Variants in CCDC27 observed in about 807,000 individuals in gnomAD.
The protein encoded by CCDC27 is coiled-coil domain-containing protein 27.
A neutral mutation model predicts 80.3 loss-of-function variants in CCDC27; 80 were observed. That is an observed-to-expected ratio of 1.00 (90% CI 0.83 to 1.20). The LOEUF is 1.20. Among genes scored for constraint, CCDC27 ranks in the 50% most tolerant of loss-of-function variants. The probability of loss-of-function intolerance (pLI) is 0.00; values close to 1 mark genes in which losing one functional copy is unlikely to be tolerated. For synonymous variants in CCDC27, 342 were observed against 334.3 expected, an observed-to-expected ratio of 1.02 and a Z score of -0.25; for missense variants, 815 against 809.4, an observed-to-expected ratio of 1.01 and a Z score of -0.08.
At chr1:3,762,532 C>T (rs938296341) in intron 5 of CCDC27, 88 bp from the exon 6 acceptor site, 66 of 1,039,414 alleles carry the variant, frequency 6.3e-5, no homozygotes, top group Middle Eastern at 5.0e-4. Context: ...CATGAGAGGC[C>T]GCTGTCCCTT....
chr1:3,767,158 A>G (rs1643245800), intron 9 of CCDC27, 75 bp from the exon 10 acceptor site: 29 of 1,415,412 alleles, frequency 2.0e-5, no homozygotes, highest in Non-Finnish European at 2.8e-5. Context: ...CTTTTAGGAA[A>G]AAGTGGATGG....
intron 11 of CCDC27, among the ~76,000 whole-genome samples, chr1:3,770,729 G>A (rs112751496): frequency 7.6e-4 from 116 of 152,264 alleles, no homozygotes; most frequent in Middle Eastern, 3.4e-3. Flanking sequence ...GGGGGCCCTG[G>A]ACAGTGCCTC....
Position 3,771,591 on chromosome 1 carries a change from C to T in CCDC27, c.*68C>T, listed in dbSNP as rs193169896. 336 of 1,548,198 alleles carry T rather than the reference C, an allele frequency of 2.2e-4. No homozygotes were observed. In the African/African-American group the frequency reaches 4.2e-3, roughly 19 times the overall value. On this transcript the variant is annotated 3_prime_UTR_variant, in exon 12 of 12. Transcript: ENST00000294600. ...GGGCCCAGCTCCAGAACCACCCGCC[C>T]CCACCATGCGTCCTGCTCTCAGACT...
intron 1 of CCDC27, 100 bp downstream of exon 1, chr1:3,752,899 C>T: frequency 7.5e-7 from 1 of 1,324,992 alleles, no homozygotes; most frequent in Admixed American, 2.3e-5. Context: ...AAGCATTCCA[C>T]AGGCCTTCTG....
At position 3,761,927 on chromosome 1, in the gene CCDC27, T is replaced by G. The variant is rs375492942; in HGVS notation, c.861+497T>G. On this transcript the variant is annotated intron_variant, in intron 5 of 11. Coordinates refer to ENST00000294600, the MANE Select transcript of CCDC27 (RefSeq NM_152492.3). The surrounding 1 kb of genome is among the most constrained non-coding windows in gnomAD (Gnocchi z 5.0). Reference sequence around the variant, plus strand: ...CCCTGCCCTGGCCAGGAATCCCTTCTCCCCACTCTCTGGCTGTGAAGCCCC... The same window carrying G: ...CCCTGCCCTGGCCAGGAATCCCTTCGCCCCACTCTCTGGCTGTGAAGCCCC... Among the ~76,000 whole-genome samples, 7 of 122,166 alleles carry G rather than the reference T, an allele frequency of 5.7e-5. 1 individual carries two copies. Among genetic ancestry groups the G allele is most frequent in the Admixed American group, 5.0e-4 (5 of 9,968 alleles). 80.1% of individuals were successfully genotyped at this position (122,166 alleles called of 152,430 possible). A position where few individuals can be genotyped will look rare whatever the true frequency, so the allele number is the denominator to read the frequency against.
Position 3,756,842 on chromosome 1 carries a change from CTG to C in CCDC27, c.664_665del (p.Cys222ProfsTer21). ...VTSSSVASQS[C>X]LRKRMPWYLS... ...CCAGCAGCTCAGTCGCATCTCAGAG[CTG>C]CCTGAGAAAGAGGATGCCCTGGTAC... On this transcript the variant is annotated frameshift_variant, in exon 4 of 12. Coordinates refer to ENST00000294600, the MANE Select transcript of CCDC27 (RefSeq NM_152492.3). LOFTEE classifies it high-confidence loss of function. 10 of 1,613,940 alleles carry C rather than the reference CTG, an allele frequency of 6.2e-6. No homozygotes were observed. Among genetic ancestry groups the C allele is most frequent in the Non-Finnish European group, 8.5e-6 (10 of 1,180,018 alleles).
At position 3,760,074 on chromosome 1, in the gene CCDC27, C is replaced by T. The variant is rs1643050675; in HGVS notation, c.712-1207C>T. Among the ~76,000 whole-genome samples the T allele has an allele frequency of 6.6e-6, 1 of 152,192 alleles. No individual in the cohort carries two copies. Among genetic ancestry groups the T allele is most frequent in the Non-Finnish European group, 1.5e-5 (1 of 68,032 alleles). ...GCCACCTGCAGCAACAAGTTTGCAG[C>T]TGGCATTGTGTGAACTCGGCAGCTC... is the stretch of plus-strand genomic sequence containing the variant. On this transcript the variant is annotated intron_variant, in intron 4 of 11. Transcript: ENST00000294600. This position sits in a 1 kb window ranked among gnomAD's most constrained non-coding sequence, Gnocchi z 4.3.
chr1:3,756,115 T>G (rs945128241), intron 3 of CCDC27: 9 of 155,030 alleles, frequency 5.8e-5, no homozygotes, highest in Admixed American at 5.0e-4. Context: ...CCAAGGCGGG[T>G]GGATCACGAG....
chr1:3,763,971 T>C lies in CCDC27; in HGVS notation c.1452+135T>C, dbSNP rs1435510604. 1.5e-5 allele frequency: 21 copies of C among 1,400,762 alleles called. No homozygotes were observed. Among genetic ancestry groups the C allele is most frequent in the Non-Finnish European group, 2.0e-5 (21 of 1,055,746 alleles). 86.8% of individuals were successfully genotyped at this position (1,400,762 alleles called of 1,614,324 possible). On this transcript the variant is annotated intron_variant, in intron 8 of 11. Transcript: ENST00000294600. The surrounding 1 kb of genome is among the most constrained non-coding windows in gnomAD (Gnocchi z 7.5). The stretch of plus-strand genomic sequence containing the variant: ...TTTGAGCCTGGGGTGTCCAGGCAGC[T>C]GGCCCAGGGTTGTGCGGCTGATAGC...
At chr1:3,764,092 G>C (rs16824067) in intron 8 of CCDC27, among the ~76,000 whole-genome samples, 5,640 of 152,246 alleles carry the variant, frequency 0.037, 351 homozygotes, top group African/African-American at 0.13. Context: ...AAGTGTCCCT[G>C]TCTCCTGAGC....
intron 8 of CCDC27, among the ~76,000 whole-genome samples, chr1:3,765,794 C>A (rs1209319049): frequency 6.6e-6 from 1 of 152,158 alleles, no homozygotes; most frequent in Non-Finnish European, 1.5e-5. Flanking sequence ...CACAGGTGAC[C>A]ACTCTGTGCT....
rs755973536 is a variant in CCDC27, at chr1:3,767,075, G to A, written c.1531-158G>A. ...AGGCTGGTCTCAATCTCTTAACCTC[G>A]TGATCCGCCCACCGCAGCTTCCCAA... On this transcript the variant is annotated intron_variant, in intron 9 of 11. Transcript: ENST00000294600. 1.1e-4 allele frequency among the ~76,000 whole-genome samples: 16 copies of A among 152,182 alleles called. No individual in the cohort carries two copies. In the Middle Eastern group the frequency reaches 0.01, roughly 97 times the overall value.
intron 5 of CCDC27, among the ~76,000 whole-genome samples, chr1:3,762,390 G>A (rs76563254): frequency 0.016 from 2,448 of 152,244 alleles, 69 homozygotes; most frequent in African/African-American, 0.056. Flanking sequence ...CACTTGCTGG[G>A]GGCTGCTCTG....
intron 2 of CCDC27, 127 bp from the exon 3 acceptor site, chr1:3,755,330 A>G: frequency 1.3e-6 from 1 of 762,914 alleles, no homozygotes; most frequent in Non-Finnish European, 2.3e-6. Context: ...GCTCAGTCCC[A>G]TGCATCCATT....
intron 6 of CCDC27, 147 bp from the exon 7 acceptor site, chr1:3,762,961 T>G: frequency 9.4e-7 from 1 of 1,064,646 alleles, no homozygotes; most frequent in Non-Finnish European, 1.3e-6. Context: ...TTGGTGACCT[T>G]GCCAGGCAGA....
intron 4 of CCDC27, among the ~76,000 whole-genome samples, chr1:3,759,911 G>A (rs1159971340): frequency 2.6e-5 from 4 of 152,194 alleles, no homozygotes; most frequent in South Asian, 2.1e-4. Context: ...CAGGTCATGC[G>A]TATGAACCAT....
At chr1:3,771,207 G>A (rs1472301164) in intron 11 of CCDC27, among the ~76,000 whole-genome samples, 194 bp from the exon 12 acceptor site, 1 of 152,212 alleles carries the variant, frequency 6.6e-6, no homozygotes, top group East Asian at 1.9e-4. Context: ...CCACAAAGCC[G>A]AGGGTTGTTT....
rs142312553 is a variant in CCDC27, at chr1:3,756,440, G to A, written c.554-293G>A. ...AGCATCAGGATGACCCCCTCGTCCCGACTCCCAGCTCCGGCTCGTTTGTCC... is the reference window on the plus strand; with the variant it reads ...AGCATCAGGATGACCCCCTCGTCCCAACTCCCAGCTCCGGCTCGTTTGTCC... On this transcript the variant is annotated intron_variant, in intron 3 of 11. Transcript: ENST00000294600. 1.2e-3 allele frequency: 325 copies of A among 276,470 alleles called. 1 individual carries two copies. The highest frequency in any genetic ancestry group is 6.3e-3 in the African/African-American group (284 of 45,366). The allele number at this position is 276,470 out of a possible 1,614,324, so 17.1% of individuals were successfully genotyped here. A position where few individuals can be genotyped will look rare whatever the true frequency, so the allele number is the denominator to read the frequency against.
rs1336541868 is a variant in CCDC27, at chr1:3,755,564, G to T, written c.550G>T (p.Asp184Tyr). The change falls in exon 3 of 12, where the codon GAC becomes TAC. Residue 184 changes from aspartate to tyrosine, a missense_variant. Physicochemically the swap from Asp to Tyr is radical, Grantham distance 160 (BLOSUM62 -3). Coordinates refer to ENST00000294600, the MANE Select transcript of CCDC27 (RefSeq NM_152492.3). ...CAGGCGGGGCTCAGACACGAACGTG[G>T]ACGGTGAGGGAGCCCCTAGGGCCTC... The part of the protein sequence containing the change: ...LARRGSDTNV[D>Y]GYLLPFSKSI... The T allele has an allele frequency of 6.2e-7, 1 of 1,613,146 alleles. No homozygotes were observed. The highest frequency in any genetic ancestry group is 1.3e-5 in the African/African-American group (1 of 74,924).
Sources: allele counts gnomAD v4.1 joint callset (sites outside exome capture counted in the v4.1 genomes callset), GRCh38; gene constraint gnomAD v4.1.1; non-coding constraint Gnocchi (gnomAD v3.1); transcripts MANE v1.5; gene names NCBI Gene and HGNC (gene_info 2026-07-23, HGNC 2026-07-21).